PCCA: variants seen among roughly 807,000 people sequenced by gnomAD.
PCCA encodes propionyl-CoA carboxylase subunit alpha, also known as propionyl-CoA carboxylase alpha chain, mitochondrial.
In PCCA, 74 loss-of-function variants were observed where a neutral mutation model predicts 101.3. The ratio of observed to expected loss-of-function variants is 0.73; its 90% CI spans 0.61 to 0.89. The LOEUF (loss-of-function observed/expected upper bound fraction) is 0.89. Ranked by LOEUF, PCCA falls within the 40% of genes least tolerant of loss-of-function variation. The probability of loss-of-function intolerance (pLI) is 0.00; values close to 1 mark genes in which losing one functional copy is unlikely to be tolerated. For synonymous variants in PCCA, 294 were observed against 313.6 expected, an observed-to-expected ratio of 0.94 and a Z score of 0.66; for missense variants, 891 against 907.0, an observed-to-expected ratio of 0.98 and a Z score of 0.23.
rs542006659 is a variant in PCCA at position 100,353,884 on chromosome 13, C to T, written c.1643+13625C>T. On this transcript the variant is annotated intron_variant, in intron 18 of 23. Transcript: ENST00000376285. ...TGGGGAATTGTTTGAGCCCGGGAGG[C>T]GGAAGTTGCAGTGAGCCAAGATCGT... 6.6e-5 allele frequency among the ~76,000 whole-genome samples: 10 copies of T among 151,834 alleles called. No individual in the cohort carries two copies. In the South Asian group the frequency reaches 2.1e-3, roughly 32 times the overall value.
intron 4 of PCCA, among the ~76,000 whole-genome samples, chr13:100,145,044 C>T (rs1594348451): frequency 6.6e-6 from 1 of 152,090 alleles, no homozygotes; most frequent in East Asian, 1.9e-4. Context: ...ACAGGTAGAG[C>T]CATATCTTGG....
chr13:100,340,529 C>T (rs552985627), intron 18 of PCCA, among the ~76,000 whole-genome samples: 263 of 152,098 alleles, frequency 1.7e-3, no homozygotes, highest in African/African-American at 6.2e-3. Context: ...GAAATCCATT[C>T]GAGTAGTTTG....
intron 4 of PCCA, among the ~76,000 whole-genome samples, chr13:100,147,554 G>A (rs1170505240): frequency 6.6e-6 from 1 of 152,128 alleles, no homozygotes; most frequent in Non-Finnish European, 1.5e-5. Flanking sequence ...CCTATTCCTA[G>A]AATTTCACTC....
intron 13 of PCCA, among the ~76,000 whole-genome samples, chr13:100,302,382 T>C (rs1566898398): frequency 6.6e-6 from 1 of 152,192 alleles, no homozygotes; most frequent in Non-Finnish European, 1.5e-5. Context: ...GCTTTTTTCA[T>C]ATTTTAAGTA....
At chr13:100,103,964 T>G (rs1026377692) in intron 2 of PCCA, among the ~76,000 whole-genome samples, 1 of 152,190 alleles carries the variant, frequency 6.6e-6, no homozygotes, top group Non-Finnish European at 1.5e-5. Context: ...TGAAGGTAAT[T>G]TTGTGTATTA....
intron 21 of PCCA, among the ~76,000 whole-genome samples, chr13:100,452,759 A>G (rs1356917840): frequency 6.6e-6 from 1 of 152,126 alleles, no homozygotes; most frequent in Non-Finnish European, 1.5e-5. Context: ...CCTTGAGTGC[A>G]GGGTGATTTG....
At chr13:100,143,558 A>AT (rs1339364517) in intron 4 of PCCA, among the ~76,000 whole-genome samples, 3 of 151,802 alleles carry the variant, frequency 2.0e-5, no homozygotes, top group South Asian at 2.1e-4. Context: ...AAATAAAAAA[A>AT]AAAAATAAAA....
Position 100,379,234 on chromosome 13 carries a change from G to A in PCCA, c.1746+10660G>A, listed in dbSNP as rs115527949. Among the ~76,000 whole-genome samples the A allele has an allele frequency of 5.7e-3, 869 of 152,128 alleles. 14 individuals carry two copies. The highest frequency in any genetic ancestry group is 0.013 in the African/African-American group (551 of 41,496). ...CGGTGGTATCTGTGATTTCTTTAGT[G>A]GCTTAGGGTACTGTTATTAGTAGAG... On this transcript the variant is annotated intron_variant, in intron 19 of 23. Transcript: ENST00000376285.
rs372622820 is a variant in PCCA, at chr13:100,318,195, G to A, written c.1429+8287G>A. 2.2e-4 allele frequency among the ~76,000 whole-genome samples: 34 copies of A among 152,208 alleles called. No individual in the cohort carries two copies. In the South Asian group the frequency reaches 6.8e-3, roughly 31 times the overall value. The stretch of plus-strand genomic sequence containing the variant: ...GTGCATGGCCTATCACACGCTGAAT[G>A]CCTATTGGCCTTTTCACTGCACCCA... On this transcript the variant is annotated intron_variant, in intron 16 of 23. Transcript: ENST00000376285.
At chr13:100,098,415 G>A (rs1425062623) in intron 1 of PCCA, among the ~76,000 whole-genome samples, 1 of 152,162 alleles carries the variant, frequency 6.6e-6, no homozygotes, top group African/African-American at 2.4e-5. Context: ...GGATGGAACA[G>A]CTCTAGGGCA....
chr13:100,524,978 A>AGGATGGATGGATAGATAGAT (rs2087639621), intron 22 of PCCA, among the ~76,000 whole-genome samples: 1 of 74,962 alleles, frequency 1.3e-5, no homozygotes, highest in Non-Finnish European at 2.6e-5. Context: ...TTCTGTCTCT[A>AGGATGGATGGATAGATAGAT]AGATGGATAG....
intron 16 of PCCA, among the ~76,000 whole-genome samples, chr13:100,326,499 G>A (rs1406527456): frequency 6.6e-6 from 1 of 152,184 alleles, no homozygotes; most frequent in Non-Finnish European, 1.5e-5. Context: ...AACAGTGGAA[G>A]AAGGATTGAA....
intron 19 of PCCA, among the ~76,000 whole-genome samples, chr13:100,421,227 C>T (rs1278219661): frequency 6.6e-6 from 1 of 151,916 alleles, no homozygotes; most frequent in Non-Finnish European, 1.5e-5. Context: ...AATTAATGTA[C>T]TGTATGTATA....
intron 7 of PCCA, among the ~76,000 whole-genome samples, chr13:100,235,002 G>C (rs1257955667): frequency 1.3e-5 from 2 of 152,038 alleles, no homozygotes. Flanking sequence ...AGTGTCCTGT[G>C]TTGGATGTGT....
intron 6 of PCCA, among the ~76,000 whole-genome samples, chr13:100,202,168 CA>C (rs10678691): frequency 8.8e-4 from 85 of 96,786 alleles, no homozygotes; most frequent in Middle Eastern, 0.012. Flanking sequence ...CATCTCTACC[CA>C]AAAAAAAAAA....
intron 19 of PCCA, among the ~76,000 whole-genome samples, chr13:100,423,396 T>C (rs976087782): frequency 6.6e-6 from 1 of 152,200 alleles, no homozygotes; most frequent in Non-Finnish European, 1.5e-5. Context: ...GATTCCCTCC[T>C]TGGATGCTAG....
chr13:100,441,974 T>C (rs1300825277), intron 20 of PCCA, among the ~76,000 whole-genome samples: 1 of 149,236 alleles, frequency 6.7e-6, no homozygotes, highest in Non-Finnish European at 1.5e-5. Context: ...ATCAATCTTT[T>C]CTTTTTCCTT....
chr13:100,177,315 A>G (rs1299518498), intron 6 of PCCA, among the ~76,000 whole-genome samples: 3 of 152,212 alleles, frequency 2.0e-5, no homozygotes, highest in Non-Finnish European at 4.4e-5. Flanking sequence ...TTATATCATC[A>G]TTGCCAGCTT....
intron 20 of PCCA, among the ~76,000 whole-genome samples, chr13:100,443,402 T>C (rs2080525862): frequency 6.6e-6 from 1 of 150,668 alleles, no homozygotes; most frequent in African/African-American, 2.4e-5. Flanking sequence ...TGGAGAGCTG[T>C]GACCATGCCA....
Sources: allele counts gnomAD v4.1 joint callset (sites outside exome capture counted in the v4.1 genomes callset), GRCh38; gene constraint gnomAD v4.1.1; transcripts MANE v1.5; gene names NCBI Gene and HGNC (gene_info 2026-07-23, HGNC 2026-07-21).